Variants in CTIF observed in about 807,000 individuals in gnomAD.
The protein encoded by CTIF is cap binding complex dependent translation initiation factor.
CTIF carries 21 observed loss-of-function variants against 66.0 expected under a neutral mutation model. The ratio of observed to expected loss-of-function variants is 0.32; its 90% CI spans 0.23 to 0.46. The LOEUF is 0.46. Among genes scored for constraint, CTIF ranks in the 20% least tolerant of loss-of-function variants. The probability of loss-of-function intolerance (pLI) is 1.00; values close to 1 mark genes in which losing one functional copy is unlikely to be tolerated. For missense variants in CTIF, 739 were observed against 812.7 expected (o/e 0.91, Z 1.10); for synonymous variants, 345 against 326.4 (o/e 1.06, Z -0.62).
At chr18:48,685,265 C>T (rs1018299338) in intron 6 of CTIF, among the ~76,000 whole-genome samples, 1 of 152,002 alleles carries the variant, frequency 6.6e-6, no homozygotes, top group African/African-American at 2.4e-5. Flanking sequence ...TCTTGTCACC[C>T]AGGCTGGAGT....
chr18:48,637,259 A>T (rs1598780579), intron 3 of CTIF, among the ~76,000 whole-genome samples: 1 of 152,124 alleles, frequency 6.6e-6, no homozygotes, highest in African/African-American at 2.4e-5. Flanking sequence ...AGGTCCTGAG[A>T]GGCTTGTGGG....
rs749257231 is a variant in CTIF at position 48,859,743 on chromosome 18, C to T, written c.*184C>T. ...AGCAAATCCCTGAGAGGAGTGCCCCCGCACAAGCCCCCCAGCCCGAGCATG... is the reference window on the plus strand; with the variant it reads ...AGCAAATCCCTGAGAGGAGTGCCCCTGCACAAGCCCCCCAGCCCGAGCATG... On this transcript the variant is annotated 3_prime_UTR_variant, in exon 12 of 12. Coordinates refer to ENST00000256413, the MANE Select transcript of CTIF (RefSeq NM_014772.3). 51 of 699,052 alleles carry T rather than the reference C, an allele frequency of 7.3e-5. No homozygotes were observed. Among genetic ancestry groups the T allele is most frequent in the African/African-American group, 1.2e-4 (7 of 57,174 alleles). The allele number at this position is 699,052 out of a possible 1,614,324, so 43.3% of individuals were successfully genotyped here.
intron 10 of CTIF, among the ~76,000 whole-genome samples, chr18:48,836,450 C>G (rs1001352097): frequency 6.6e-6 from 1 of 152,142 alleles, no homozygotes; most frequent in Non-Finnish European, 1.5e-5. Flanking sequence ...CCCTGCTGCC[C>G]CCTAAGATGC....
At chr18:48,773,140 A>T (rs1017012235) in intron 9 of CTIF, among the ~76,000 whole-genome samples, 2 of 152,212 alleles carry the variant, frequency 1.3e-5, no homozygotes, top group African/African-American at 4.8e-5. Context: ...ATCAATTAAA[A>T]ATCATAGACC....
At chr18:48,635,764 C>T (rs995633323) in intron 2 of CTIF, among the ~76,000 whole-genome samples, 2 of 152,206 alleles carry the variant, frequency 1.3e-5, no homozygotes, top group African/African-American at 2.4e-5. Context: ...GGCTATATGA[C>T]TGCTACTGCA....
intron 1 of CTIF, among the ~76,000 whole-genome samples, chr18:48,616,047 C>T (rs1205094767): frequency 1.3e-5 from 2 of 152,160 alleles, no homozygotes; most frequent in Non-Finnish European, 2.9e-5. Context: ...GACACTCGGG[C>T]ATGTTTGGGA....
intron 10 of CTIF, among the ~76,000 whole-genome samples, chr18:48,845,622 C>T (rs4939821): frequency 0.24 from 36,781 of 152,088 alleles, 5,389 homozygotes; most frequent in East Asian, 0.35. Context: ...CTCACACCAA[C>T]GGCTTGACTA....
At chr18:48,610,468 C>T (rs759912359) in intron 1 of CTIF, among the ~76,000 whole-genome samples, 26 of 152,118 alleles carry the variant, frequency 1.7e-4, no homozygotes, top group Non-Finnish European at 2.8e-4. Flanking sequence ...CCTACCTGCC[C>T]GGGTGGGTTG....
At chr18:48,776,016 C>T (rs953866145) in intron 9 of CTIF, among the ~76,000 whole-genome samples, 1 of 152,234 alleles carries the variant, frequency 6.6e-6, no homozygotes, top group African/African-American at 2.4e-5. Context: ...AAAACTTCTA[C>T]CTCAAGAGGC....
chr18:48,711,797 C>A, intron 7 of CTIF, 102 bp downstream of exon 7: 2 of 966,636 alleles, frequency 2.1e-6, no homozygotes, highest in African/African-American at 1.6e-5. Flanking sequence ...CAGTCACCAG[C>A]TGATCCTGAT....
At chr18:48,712,226 G>A (rs1236628661) in intron 7 of CTIF, among the ~76,000 whole-genome samples, 1 of 152,096 alleles carries the variant, frequency 6.6e-6, no homozygotes. Flanking sequence ...AAATTCCTGG[G>A]GGAACCCACT....
intron 2 of CTIF, among the ~76,000 whole-genome samples, chr18:48,620,594 T>C (rs1393547264): frequency 6.6e-6 from 1 of 152,158 alleles, no homozygotes; most frequent in Non-Finnish European, 1.5e-5. Flanking sequence ...CTCGGGAATG[T>C]TGGAAGGTCA....
chr18:48,753,840 G>C (rs542861781), intron 7 of CTIF, among the ~76,000 whole-genome samples: 2 of 152,302 alleles, frequency 1.3e-5, no homozygotes, highest in East Asian at 3.9e-4. Context: ...CCTCCTTGCC[G>C]GGTTGCTGGG....
intron 1 of CTIF, among the ~76,000 whole-genome samples, chr18:48,544,033 G>T (rs2088687953): frequency 6.6e-6 from 1 of 152,144 alleles, no homozygotes; most frequent in South Asian, 2.1e-4. Context: ...CTGAGGCAGG[G>T]TCCTCAGGAA....
intron 2 of CTIF, among the ~76,000 whole-genome samples, chr18:48,630,769 G>A (rs1322278214): frequency 6.6e-6 from 1 of 151,890 alleles, no homozygotes; most frequent in Non-Finnish European, 1.5e-5. Flanking sequence ...TCTGCCTCCC[G>A]AGTTCATGCC....
chr18:48,758,033 C>T lies in CTIF; in HGVS notation c.699C>T (p.Pro233=), dbSNP rs1368885479. ...AATCCTACCAGGGGGGCTCAGCACC[C>T]CACCCCTCAGGGAGGCCCACTCACC... ...HQKSYQGGSA[P]HPSGRPTHHG... is the part of the protein sequence containing the mutation. The change falls in exon 8 of 12, where the codon CCC becomes CCT. Residue 233 remains proline (P), a synonymous_variant. Coordinates refer to ENST00000256413, the MANE Select transcript of CTIF (RefSeq NM_014772.3). 12 of 1,614,042 alleles carry T rather than the reference C, an allele frequency of 7.4e-6. No individual in the cohort carries two copies. The highest frequency in any genetic ancestry group is 1.0e-5 in the Non-Finnish European group (12 of 1,179,984).
At chr18:48,548,763 T>G (rs2088814737) in intron 1 of CTIF, among the ~76,000 whole-genome samples, 1 of 152,250 alleles carries the variant, frequency 6.6e-6, no homozygotes, top group Admixed American at 6.5e-5. Flanking sequence ...TCCTTTTAGC[T>G]GTTAACCTTT....
chr18:48,650,328 G>A (rs567467794), intron 3 of CTIF, among the ~76,000 whole-genome samples: 2 of 152,304 alleles, frequency 1.3e-5, no homozygotes, highest in Admixed American at 6.5e-5. Context: ...AACTCGTGAC[G>A]CATGCACAAG....
At chr18:48,785,831 T>C (rs1911654414) in intron 9 of CTIF, among the ~76,000 whole-genome samples, 1 of 152,210 alleles carries the variant, frequency 6.6e-6, no homozygotes, top group Non-Finnish European at 1.5e-5. Flanking sequence ...AAGCAAATTG[T>C]GTCACCATCT....
Sources: allele counts gnomAD v4.1 joint callset (sites outside exome capture counted in the v4.1 genomes callset), GRCh38; gene constraint gnomAD v4.1.1; transcripts MANE v1.5; gene names NCBI Gene and HGNC (gene_info 2026-07-23, HGNC 2026-07-21).